The following CYFIP1 variants were observed in gnomAD, a reference collection of about 807,000 sequenced individuals.
The protein encoded by CYFIP1 is cytoplasmic FMR1 interacting protein 1, also known as cytoplasmic FMR1-interacting protein 1.
A neutral mutation model predicts 163.5 loss-of-function variants in CYFIP1; 58 were observed. The observed-to-expected ratio is 0.35, with a 90% CI of 0.29 to 0.44. The LOEUF (loss-of-function observed/expected upper bound fraction) is 0.44, where lower values mean the gene tolerates loss of function less well. CYFIP1 is among the 20% of genes least tolerant of loss of function. CYFIP1 has a pLI of 1.00. For synonymous variants in CYFIP1, 663 were observed against 660.7 expected, an observed-to-expected ratio of 1.00 and a Z score of -0.05; for missense variants, 1,338 against 1,653.8, an observed-to-expected ratio of 0.81 and a Z score of 3.31.
intron 1 of CYFIP1, among the ~76,000 whole-genome samples, chr15:22,961,063 C>G (rs967316345): frequency 7.9e-5 from 12 of 151,958 alleles, no homozygotes; most frequent in Non-Finnish European, 1.6e-4. Context: ...CACTGTCACC[C>G]AGGCTGGAGT....
At chr15:22,946,148 C>T (rs2062051033) in intron 3 of CYFIP1, among the ~76,000 whole-genome samples, 2 of 151,536 alleles carry the variant, frequency 1.3e-5, no homozygotes, top group Admixed American at 1.3e-4. Flanking sequence ...ACAAAAAACA[C>T]AAAAAAGTAG....
chr15:22,928,499 G>A (rs1406006182), intron 11 of CYFIP1, among the ~76,000 whole-genome samples: 2 of 152,226 alleles, frequency 1.3e-5, no homozygotes, highest in African/African-American at 2.4e-5. Flanking sequence ...CCAAGGGCGT[G>A]CTGCAGAGCA....
chr15:22,906,075 C>T (rs1057156602), intron 21 of CYFIP1, among the ~76,000 whole-genome samples: 13 of 150,150 alleles, frequency 8.7e-5, no homozygotes, highest in African/African-American at 2.7e-4. Flanking sequence ...CTTTTCAAAA[C>T]TTTCTTTTTT....
At chr15:22,908,026 T>C (rs753856983) in intron 21 of CYFIP1, among the ~76,000 whole-genome samples, 7 of 152,252 alleles carry the variant, frequency 4.6e-5, no homozygotes, top group Non-Finnish European at 7.3e-5. Context: ...CATTCATTTT[T>C]ATTTTTCTCT....
chr15:22,975,891 CA>C (rs1299711972), intron 1 of CYFIP1, among the ~76,000 whole-genome samples: 2 of 152,032 alleles, frequency 1.3e-5, no homozygotes, highest in Non-Finnish European at 2.9e-5. Context: ...CCTCAATAAA[CA>C]AAATTTTTGT....
chr15:22,917,861 C>G lies in CYFIP1; in HGVS notation c.1601G>C (p.Arg534Pro). 1 of 1,613,872 alleles carries G rather than the reference C, an allele frequency of 6.2e-7. No homozygotes were observed. Among genetic ancestry groups the G allele is most frequent in the Non-Finnish European group, 8.5e-7 (1 of 1,179,922 alleles). ...GCCGCTCTTGGGGTCCTTCTCGCCC[C>G]GCAAGGCTGGGTCATTGAAGGGCTC... ...GHEPFNDPAL[R>P]GEKDPKSGFD... Residue 534 changes from arginine (R) to proline (P), a missense_variant, in exon 15 of 31, where the codon CGG (arginine) becomes CCG (proline). Physicochemically the swap from Arg to Pro is moderately radical, Grantham distance 103. Transcript: ENST00000617928. The surrounding 1 kb of genome is among the most constrained non-coding windows in gnomAD (Gnocchi z 4.2).
intron 21 of CYFIP1, among the ~76,000 whole-genome samples, chr15:22,908,518 CTTTTTTTTT>C (rs58565266): frequency 5.0e-4 from 38 of 75,488 alleles, no homozygotes; most frequent in Admixed American, 4.4e-3. Context: ...GAAGATATTT[CTTTTTTTTT>C]TTTTTTTTTT....
At chr15:22,884,955 C>A (rs749960496) in intron 23 of CYFIP1, among the ~76,000 whole-genome samples, 1 of 7,004 alleles carries the variant, frequency 1.4e-4, no homozygotes, top group African/African-American at 6.6e-4. Flanking sequence ...TGAAGCTGCA[C>A]GGGGATGGGG....
intron 16 of CYFIP1, 51 bp from the exon 17 acceptor site, chr15:22,914,933 C>A (rs758169112): frequency 6.4e-7 from 1 of 1,557,222 alleles, no homozygotes; most frequent in Non-Finnish European, 8.7e-7. Context: ...AAAAAAAAAC[C>A]TTTAGCAGAG....
At chr15:22,959,913 C>A (rs770730746) in intron 1 of CYFIP1, among the ~76,000 whole-genome samples, 1 of 152,206 alleles carries the variant, frequency 6.6e-6, no homozygotes, top group Non-Finnish European at 1.5e-5. Flanking sequence ...TGTGCCTGTT[C>A]TTTTCCTGTC....
At chr15:22,875,093 G>T in intron 27 of CYFIP1, 106 bp downstream of exon 27, 1 of 1,064,180 alleles carries the variant, frequency 9.4e-7, no homozygotes, top group Non-Finnish European at 1.5e-6. Flanking sequence ...CTGAACAGGC[G>T]CCAAACCCAC....
At chr15:22,870,310 C>T in intron 30 of CYFIP1, 118 bp from the exon 31 acceptor site, 2 of 1,263,500 alleles carry the variant, frequency 1.6e-6, no homozygotes, top group South Asian at 1.4e-5. Flanking sequence ...GGAATTGACA[C>T]ACATACTGTT....
intron 6 of CYFIP1, 53 bp from the exon 7 acceptor site, chr15:22,939,560 A>AC (rs1357739999): frequency 7.0e-6 from 5 of 715,084 alleles, no homozygotes; most frequent in Middle Eastern, 4.7e-4. Flanking sequence ...CCACATTTAA[A>AC]AAAAAAAAAA....
At chr15:22,900,801 C>T (rs1350910554) in intron 22 of CYFIP1, among the ~76,000 whole-genome samples, 1 of 152,034 alleles carries the variant, frequency 6.6e-6, no homozygotes, top group Admixed American at 6.6e-5. Context: ...CCCACCCCAG[C>T]CTCAAAACTC....
Position 22,899,909 on chromosome 15 carries a change from A to G in CYFIP1, c.2588+3797T>C, listed in dbSNP as rs138741315. Among the ~76,000 whole-genome samples the G allele has an allele frequency of 6.4e-4, 98 of 152,246 alleles. 4 individuals are homozygous for G. In the South Asian group the frequency reaches 9.3e-3, roughly 14 times the overall value. ...CTAAAAATACAAAAATTAGCCGGGC[A>G]TGGTGGCAGGCACCTGTAATCCCAG... On this transcript the variant is annotated intron_variant, in intron 22 of 30. Transcript: ENST00000617928.
At chr15:22,970,106 C>T (rs908086063) in intron 1 of CYFIP1, among the ~76,000 whole-genome samples, 84 of 152,050 alleles carry the variant, frequency 5.5e-4, no homozygotes, top group Non-Finnish European at 2.9e-5. Context: ...TAGCAATGAA[C>T]AATCCCAAAA....
At chr15:22,971,024 C>T (rs933756458) in intron 1 of CYFIP1, among the ~76,000 whole-genome samples, 2 of 151,926 alleles carry the variant, frequency 1.3e-5, no homozygotes, top group East Asian at 3.9e-4. Context: ...TGCAGTGAGC[C>T]GAGATTGCGC....
intron 29 of CYFIP1, 111 bp from the exon 30 acceptor site, chr15:22,873,083 C>A (rs2059482587): frequency 3.3e-6 from 4 of 1,215,394 alleles, no homozygotes; most frequent in Non-Finnish European, 4.6e-6. Flanking sequence ...CTGTCTGTGC[C>A]TACACAGTCA....
At chr15:22,935,920 C>A (rs113056363) in intron 9 of CYFIP1, among the ~76,000 whole-genome samples, 1 of 152,108 alleles carries the variant, frequency 6.6e-6, no homozygotes. Flanking sequence ...GTCAATTACA[C>A]CTTGATAAAG....
Sources: allele counts gnomAD v4.1 joint callset (sites outside exome capture counted in the v4.1 genomes callset), GRCh38; gene constraint gnomAD v4.1.1; non-coding constraint Gnocchi (gnomAD v3.1); transcripts MANE v1.5; gene names NCBI Gene and HGNC (gene_info 2026-07-23, HGNC 2026-07-21).